The following ERH variants were observed in gnomAD, a reference collection of about 807,000 sequenced individuals.
The protein encoded by ERH is enhancer of rudimentary homolog.
In ERH, 1 loss-of-function variant was observed where a neutral mutation model predicts 16.8. The observed-to-expected ratio is 0.06, with a 90% CI of 0.02 to 0.28. ERH has a LOEUF of 0.28. ERH is among the 10% of genes least tolerant of loss of function. ERH has a pLI of 1.00. For missense variants in ERH, 42 were observed against 127.5 expected (o/e 0.33, Z 3.23); for synonymous variants, 43 against 43.6 (o/e 0.99, Z 0.05).
chr14:69,381,159 T>C (rs2045861196), intron 3 of ERH, among the ~76,000 whole-genome samples: 1 of 152,192 alleles, frequency 6.6e-6, no homozygotes, highest in Admixed American at 6.5e-5. Flanking sequence ...TGCACGCCTG[T>C]AGTCCTGCCT....
At chr14:69,397,834 C>T (rs1329879507) in intron 1 of ERH, among the ~76,000 whole-genome samples, 1 of 152,066 alleles carries the variant, frequency 6.6e-6, no homozygotes, top group Non-Finnish European at 1.5e-5. Context: ...AGGAGAATTG[C>T]TTCAACCCAG....
chr14:69,396,959 G>C lies in ERH; in HGVS notation c.3+1272C>G, dbSNP rs116340552. Among the ~76,000 whole-genome samples, 478 of 152,314 alleles carry C rather than the reference G, an allele frequency of 3.1e-3. 4 individuals carry two copies. The highest frequency in any genetic ancestry group is 0.011 in the African/African-American group (464 of 41,570). On this transcript the variant is annotated intron_variant, in intron 1 of 3. Coordinates refer to ENST00000557016, the MANE Select transcript of ERH (RefSeq NM_004450.3). Reference sequence around the variant, plus strand: ...AACCACGTGCATTCTTGCAACAGAGGTTGCCCTATACACTAGCTATCTCAA... The same window carrying C: ...AACCACGTGCATTCTTGCAACAGAGCTTGCCCTATACACTAGCTATCTCAA...
At chr14:69,396,343 C>T (rs1283871733) in intron 1 of ERH, among the ~76,000 whole-genome samples, 2 of 152,266 alleles carry the variant, frequency 1.3e-5, no homozygotes, top group Non-Finnish European at 2.9e-5. Context: ...CTCACCGCAA[C>T]CTCTGCTTTC....
intron 1 of ERH, among the ~76,000 whole-genome samples, chr14:69,395,151 C>T (rs1265137098): frequency 6.6e-6 from 1 of 152,050 alleles, no homozygotes; most frequent in Middle Eastern, 3.4e-3. Context: ...CCTGTCTCTA[C>T]AAAAAAATAA....
In ERH at chr14:69,398,112, GT is replaced by G. The variant is rs1882412501; in HGVS notation, c.3+118del. On this transcript the variant is annotated intron_variant, in intron 1 of 3. Transcript: ENST00000557016. ...AAGAAGGGTCAATCCACCGACTAGAGTGGCGGGGAGCATCACGCGGCGCTGC... is the reference window on the plus strand; with the variant it reads ...AAGAAGGGTCAATCCACCGACTAGAGGGCGGGGAGCATCACGCGGCGCTGC... 4.2e-6 allele frequency: 5 copies of G among 1,188,178 alleles called. No individual in the cohort carries two copies. In the South Asian group the frequency reaches 7.3e-5, roughly 17 times the overall value. The allele number at this position is 1,188,178 out of a possible 1,614,324, so 73.6% of individuals were successfully genotyped here.
rs1345934842 is a variant in ERH, at chr14:69,394,806, T to C, written c.91+19A>G. The C allele has an allele frequency of 1.3e-6, 2 of 1,578,324 alleles. No individual in the cohort carries two copies. The highest frequency in any genetic ancestry group is 1.2e-5 in the South Asian group (1 of 86,772). The stretch of plus-strand genomic sequence containing the variant: ...CTAAATGAGACATTTTTCTACCCCT[T>C]GATTAGTGTTAAACTCACCTTCCAT... On this transcript the variant is annotated intron_variant, in intron 2 of 3. Transcript: ENST00000557016.
chr14:69,398,051 G>C (rs1486005772), intron 1 of ERH, 180 bp downstream of exon 1: 1 of 779,114 alleles, frequency 1.3e-6, no homozygotes, highest in African/African-American at 1.7e-5. Flanking sequence ...CCGGGGCTCC[G>C]AGGCCTAGAG....
chr14:69,390,587 AAAAT>A (rs2045918711), intron 2 of ERH, among the ~76,000 whole-genome samples: 1 of 152,228 alleles, frequency 6.6e-6, no homozygotes, highest in Admixed American at 6.5e-5. Context: ...CCCATAGAAA[AAAAT>A]AAAGGCATTA....
At chr14:69,389,925 A>G (rs920951915) in intron 2 of ERH, among the ~76,000 whole-genome samples, 1 of 152,048 alleles carries the variant, frequency 6.6e-6, no homozygotes, top group Non-Finnish European at 1.5e-5. Flanking sequence ...TGCCCAGCTA[A>G]TTTTTGTACT....
At chr14:69,397,138 C>G (rs1015009792) in intron 1 of ERH, among the ~76,000 whole-genome samples, 1 of 152,100 alleles carries the variant, frequency 6.6e-6, no homozygotes, top group East Asian at 1.9e-4. Context: ...ACTTACTGCC[C>G]AAAGACAAGG....
chr14:69,392,065 C>T (rs1328562483), intron 2 of ERH, among the ~76,000 whole-genome samples: 2 of 151,978 alleles, frequency 1.3e-5, no homozygotes, highest in Admixed American at 6.6e-5. Context: ...AAGGCGTATG[C>T]TGGAGCTCTG....
intron 3 of ERH, among the ~76,000 whole-genome samples, chr14:69,383,201 T>C (rs1264429773): frequency 1.3e-5 from 2 of 152,266 alleles, no homozygotes; most frequent in Non-Finnish European, 2.9e-5. Flanking sequence ...GACTCTGACT[T>C]TAAGTATACG....
At chr14:69,384,211 T>C (rs563436388) in intron 3 of ERH, among the ~76,000 whole-genome samples, 1 of 152,358 alleles carries the variant, frequency 6.6e-6, no homozygotes, top group Admixed American at 6.5e-5. Flanking sequence ...TTTAAGAACA[T>C]GCTTGTAATT....
intron 2 of ERH, among the ~76,000 whole-genome samples, chr14:69,387,739 A>G (rs1408821122): frequency 3.3e-5 from 5 of 150,828 alleles, no homozygotes; most frequent in Non-Finnish European, 7.4e-5. Context: ...GATTATCCTA[A>G]TGTATATTTA....
chr14:69,383,263 T>C (rs2045873281), intron 3 of ERH, among the ~76,000 whole-genome samples: 1 of 152,268 alleles, frequency 6.6e-6, no homozygotes, highest in Admixed American at 6.5e-5. Context: ...GTCAGTTTGC[T>C]CTGGGTTTAG....
At chr14:69,393,484 TTAAA>T (rs1450372071) in intron 2 of ERH, among the ~76,000 whole-genome samples, 1 of 152,134 alleles carries the variant, frequency 6.6e-6, no homozygotes, top group Non-Finnish European at 1.5e-5. Context: ...TACTCAGCTA[TTAAA>T]AAAAGAATAA....
chr14:69,386,712 A>C (rs2045895568), intron 3 of ERH: 2 of 319,736 alleles, frequency 6.3e-6, no homozygotes, highest in African/African-American at 4.3e-5. Context: ...AAGAAGAGGC[A>C]CATGGAACTT....
intron 1 of ERH, 177 bp downstream of exon 1, chr14:69,398,054 G>A (rs1882407082): frequency 2.5e-6 from 2 of 807,824 alleles, no homozygotes; most frequent in Non-Finnish European, 2.0e-6. Flanking sequence ...GGGCTCCGAG[G>A]CCTAGAGTCA....
chr14:69,395,606 T>A (rs945540540), intron 1 of ERH, among the ~76,000 whole-genome samples: 4 of 152,138 alleles, frequency 2.6e-5, no homozygotes, highest in Non-Finnish European at 5.9e-5. Context: ...AAAGGGGAAA[T>A]AGTATAATAA....
Sources: allele counts gnomAD v4.1 joint callset (sites outside exome capture counted in the v4.1 genomes callset), GRCh38; gene constraint gnomAD v4.1.1; transcripts MANE v1.5; gene names NCBI Gene and HGNC (gene_info 2026-07-23, HGNC 2026-07-21).